MYO16: variants seen among roughly 807,000 people sequenced by gnomAD.
MYO16 encodes the protein unconventional myosin-XVI.
A neutral mutation model predicts 205.3 loss-of-function variants in MYO16; 94 were observed. The ratio of observed to expected loss-of-function variants is 0.46; its 90% CI spans 0.39 to 0.54. MYO16 has a LOEUF of 0.54. Ranked by LOEUF, MYO16 falls within the 20% of genes least tolerant of loss-of-function variation. The pLI is 0.00. For missense variants in MYO16, 2,315 were observed against 2,387.5 expected (o/e 0.97, Z 0.63); for synonymous variants, 988 against 954.0 (o/e 1.04, Z -0.66).
At chr13:109,090,423 C>G (rs1888583521) in intron 27 of MYO16, among the ~76,000 whole-genome samples, 1 of 152,208 alleles carries the variant, frequency 6.6e-6, no homozygotes, top group Non-Finnish European at 1.5e-5. Context: ...GCTGTGCGTC[C>G]ACATGTCTGC....
intron 23 of MYO16, among the ~76,000 whole-genome samples, chr13:109,039,294 A>T (rs533255394): frequency 6.6e-6 from 1 of 152,316 alleles, no homozygotes; most frequent in South Asian, 2.1e-4. Context: ...TAAAACAATG[A>T]CATAGGCAAT....
chr13:108,911,598 G>A (rs1298201967), intron 16 of MYO16, among the ~76,000 whole-genome samples: 1 of 152,170 alleles, frequency 6.6e-6, no homozygotes, highest in Non-Finnish European at 1.5e-5. Flanking sequence ...GAAAAGAACA[G>A]CCATGGTCAG....
chr13:108,726,603 G>A (rs558649196), intron 3 of MYO16, among the ~76,000 whole-genome samples: 1 of 151,702 alleles, frequency 6.6e-6, no homozygotes, highest in Non-Finnish European at 1.5e-5. Flanking sequence ...CTCATAAAAG[G>A]ACTGGATGAT....
intron 31 of MYO16, among the ~76,000 whole-genome samples, chr13:109,137,336 T>A (rs1252885273): frequency 1.3e-5 from 2 of 152,200 alleles, no homozygotes; most frequent in East Asian, 3.8e-4. Context: ...ACAGAGACCC[T>A]CCCCGATTCC....
chr13:108,958,109 G>A (rs1292148826), intron 17 of MYO16, among the ~76,000 whole-genome samples: 1 of 147,702 alleles, frequency 6.8e-6, no homozygotes, highest in Non-Finnish European at 1.5e-5. Context: ...TTCCCAAAAT[G>A]AATATAATAT....
chr13:108,575,200 G>T, the MYO16 span, among the ~76,000 whole-genome samples: 3 of 152,158 alleles, frequency 2.0e-5, no homozygotes, highest in Non-Finnish European at 1.5e-5. Context: ...GCAGCCCCAA[G>T]AATCTGGTGA....
At chr13:109,104,944 T>G in intron 28 of MYO16, among the ~76,000 whole-genome samples, 1 of 152,254 alleles carries the variant, frequency 6.6e-6, no homozygotes, top group Non-Finnish European at 1.5e-5. Flanking sequence ...GACCTTCTGT[T>G]ACGCTTCAGA....
At chr13:109,019,508 T>C (rs924457113) in intron 22 of MYO16, among the ~76,000 whole-genome samples, 1 of 152,204 alleles carries the variant, frequency 6.6e-6, no homozygotes, top group African/African-American at 2.4e-5. Flanking sequence ...ATTAATTTGA[T>C]AAATATTATT....
intron 7 of MYO16, among the ~76,000 whole-genome samples, chr13:108,810,119 T>G (rs1375777491): frequency 6.6e-6 from 1 of 152,152 alleles, no homozygotes; most frequent in Non-Finnish European, 1.5e-5. Flanking sequence ...ATGAGGCAGG[T>G]TTTTAAAACA....
the MYO16 span, among the ~76,000 whole-genome samples, chr13:108,558,966 T>C: frequency 6.6e-6 from 1 of 150,854 alleles, no homozygotes; most frequent in Non-Finnish European, 1.5e-5. Flanking sequence ...AATGAAGCAG[T>C]GAGCTGATGA....
chr13:108,961,568 A>G lies in MYO16; in HGVS notation c.2067A>G (p.Ala689=), dbSNP rs1354711897. 1 of 1,614,096 alleles carries G rather than the reference A, an allele frequency of 6.2e-7. No homozygotes were observed. Among genetic ancestry groups the G allele is most frequent in the South Asian group, 1.1e-5 (1 of 91,084 alleles). ...LEVENLFVIL[A]AILHLGDIRF... is the part of the protein sequence containing the mutation. The stretch of plus-strand genomic sequence containing the variant: ...TGGAGAATCTGTTCGTAATTCTAGC[A>G]GCAATATTGCACCTTGGAGACATTC... Residue 689 remains alanine, a synonymous_variant, in exon 18 of 35, where the codon GCA becomes GCG. Transcript: ENST00000457511.
intron 27 of MYO16, chr13:109,065,579 C>T (rs765792013): frequency 7.6e-5 from 36 of 476,090 alleles, no homozygotes; most frequent in Middle Eastern, 3.5e-4. Flanking sequence ...AAAGTCCCTA[C>T]AGGAGATGTT....
chr13:108,581,866 C>T, the MYO16 span, among the ~76,000 whole-genome samples: 42 of 133,322 alleles, frequency 3.2e-4, no homozygotes, highest in African/African-American at 2.3e-4. Flanking sequence ...GCAACAGAAG[C>T]GAAACGCTGT....
At chr13:108,551,170 C>G in the MYO16 span, among the ~76,000 whole-genome samples, 15 of 152,290 alleles carry the variant, frequency 9.8e-5, no homozygotes, top group South Asian at 4.1e-4. Context: ...ACTATACAAT[C>G]TCCCTCAGTA....
the MYO16 span, among the ~76,000 whole-genome samples, chr13:108,536,873 G>T: frequency 6.6e-6 from 1 of 152,092 alleles, no homozygotes. Flanking sequence ...GACGGAACAG[G>T]ATACCAAATA....
intron 22 of MYO16, among the ~76,000 whole-genome samples, chr13:109,017,738 C>T (rs1885877505): frequency 6.6e-6 from 1 of 152,212 alleles, no homozygotes. Context: ...GACACCCTTT[C>T]TTCCAGTTGA....
intron 10 of MYO16, among the ~76,000 whole-genome samples, chr13:108,845,195 T>C (rs1877457102): frequency 6.6e-6 from 1 of 152,188 alleles, no homozygotes. Flanking sequence ...TTTCTAAAGA[T>C]CTTCTTCTTA....
chr13:109,168,712 C>T (rs1276279972), intron 33 of MYO16, among the ~76,000 whole-genome samples: 1 of 152,044 alleles, frequency 6.6e-6, no homozygotes, highest in Non-Finnish European at 1.5e-5. Context: ...GTGACAGAGC[C>T]AGACTTTGTC....
At position 109,125,462 on chromosome 13, in the gene MYO16, G is replaced by C. The variant is rs943582307; in HGVS notation, c.3782+104G>C. The C allele has an allele frequency of 1.4e-6, 2 of 1,454,856 alleles. No homozygotes were observed. Among genetic ancestry groups the C allele is most frequent in the Non-Finnish European group, 1.9e-6 (2 of 1,070,048 alleles). The allele number at this position is 1,454,856 out of a possible 1,614,324, so 90.1% of individuals were successfully genotyped here. ...TGCAGAGTTCAATCAAATATGACAG[G>C]AGTTGCAGGAACAGGCATGCGTGGT... is the stretch of plus-strand genomic sequence containing the variant. On this transcript the variant is annotated intron_variant, in intron 30 of 34. Transcript: ENST00000457511. The surrounding 1 kb of genome is among the most constrained non-coding windows in gnomAD (Gnocchi z 4.0).
Sources: allele counts gnomAD v4.1 joint callset (sites outside exome capture counted in the v4.1 genomes callset), GRCh38; gene constraint gnomAD v4.1.1; non-coding constraint Gnocchi (gnomAD v3.1); transcripts MANE v1.5; gene names NCBI Gene and HGNC (gene_info 2026-07-23, HGNC 2026-07-21).